IMPG1: variants seen among roughly 807,000 people sequenced by gnomAD.
The protein encoded by IMPG1 is interphotoreceptor matrix proteoglycan of 150 kDa.
In IMPG1, 85 loss-of-function variants were observed where a neutral mutation model predicts 92.0. That is an observed-to-expected ratio of 0.92 (90% CI 0.78 to 1.11). The LOEUF (loss-of-function observed/expected upper bound fraction) is 1.11, where lower values mean the gene tolerates loss of function less well. Ranked by LOEUF, IMPG1 falls within the 50% of genes least tolerant of loss-of-function variation. The pLI is 0.00. For missense variants in IMPG1, 1,022 were observed against 956.0 expected, an observed-to-expected ratio of 1.07 and a Z score of -0.91; for synonymous variants, 367 against 334.1, an observed-to-expected ratio of 1.10 and a Z score of -1.08.
chr6:75,945,540 AG>A (rs1781912671), intron 14 of IMPG1, among the ~76,000 whole-genome samples: 1 of 151,948 alleles, frequency 6.6e-6, no homozygotes, highest in Non-Finnish European at 1.5e-5. Context: ...TAGTAGAGAC[AG>A]GGTTTTGCCA....
At position 75,947,509 on chromosome 6, in the gene IMPG1, G is replaced by A. The variant is rs376390542; in HGVS notation, c.1849C>T (p.Leu617Phe). Residue 617 changes from leucine (L) to phenylalanine (F), a missense_variant, in exon 14 of 17, where the codon CTT (leucine) becomes TTT (phenylalanine). By Grantham distance (22) the Leu-to-Phe change is conservative. This residue lies in a region of IMPG1 where 332 missense variants were observed against 346.2 expected (regional missense o/e 0.96). Coordinates refer to ENST00000369950, the MANE Select transcript of IMPG1 (RefSeq NM_001563.4). ...QLLVPYLRSN[L>F]TGFKQLEILN... ...ATTTCAAGTTGCTTAAATCCTGTAAGATTGGATCGTAGATATGGAACCAGC... is the reference window on the plus strand; with the variant it reads ...ATTTCAAGTTGCTTAAATCCTGTAAAATTGGATCGTAGATATGGAACCAGC... 4.7e-5 allele frequency: 76 copies of A among 1,613,502 alleles called. No individual in the cohort carries two copies. The highest frequency in any genetic ancestry group is 6.4e-5 in the Non-Finnish European group (76 of 1,179,606).
At chr6:76,068,890 A>G (rs549693497) in intron 1 of IMPG1, among the ~76,000 whole-genome samples, 2 of 152,218 alleles carry the variant, frequency 1.3e-5, no homozygotes, top group South Asian at 4.1e-4. Flanking sequence ...TTTTCACAGA[A>G]TTAGAAAAAA....
chr6:76,022,879 A>C (rs994021804), intron 5 of IMPG1, among the ~76,000 whole-genome samples: 4 of 152,226 alleles, frequency 2.6e-5, no homozygotes, highest in African/African-American at 9.6e-5. Context: ...GTTATAGTTA[A>C]TTGGTTTATA....
rs1016563232 is a variant in IMPG1 at position 75,922,103 on chromosome 6, A to G, written c.2380T>C (p.Trp794Arg). 8.2e-6 allele frequency: 11 copies of G among 1,344,018 alleles called. No homozygotes were observed. The highest frequency in any genetic ancestry group is 1.2e-5 in the Non-Finnish European group (11 of 946,592). The allele number at this position is 1,344,018 out of a possible 1,614,324, so 83.3% of individuals were successfully genotyped here. A position where few individuals can be genotyped will look rare whatever the true frequency, so the allele number is the denominator to read the frequency against. The change falls in exon 17 of 17, where the codon TGG becomes CGG. Residue 794 changes from tryptophan to arginine, a missense_variant. This residue lies in a region of IMPG1 where 332 missense variants were observed against 346.2 expected (regional missense o/e 0.96). Coordinates refer to ENST00000369950, the MANE Select transcript of IMPG1 (RefSeq NM_001563.4). ...VEYEEFNHQDWEGN is the reference protein window; with the variant it reads ...VEYEEFNHQDREGN ...ATTTTCAGTTTTTAATTTCCTTCCC[A>G]ATCTTGATGGTTAAATTCTTCATAT...
rs140827081 is a variant in IMPG1 at position 76,021,778 on chromosome 6, CAT to C, written c.666+336_666+337del. ...TTCATTCATTCTAACACTTGGAGAG[CAT>C]ATATATATATATATATATATATGGT... On this transcript the variant is annotated intron_variant, in intron 6 of 16. Coordinates refer to ENST00000369950, the MANE Select transcript of IMPG1 (RefSeq NM_001563.4). Among the ~76,000 whole-genome samples the C allele has an allele frequency of 5.0e-3, 247 of 49,490 alleles. 10 individuals carry two copies. The highest frequency in any genetic ancestry group is 0.015 in the Admixed American group (53 of 3,610). The allele number at this position is 49,490 out of a possible 152,430, so 32.5% of individuals were successfully genotyped here. A position where few individuals can be genotyped will look rare whatever the true frequency, so the allele number is the denominator to read the frequency against.
intron 1 of IMPG1, among the ~76,000 whole-genome samples, chr6:76,052,983 G>A (rs1231635866): frequency 6.6e-6 from 1 of 152,064 alleles, no homozygotes; most frequent in Non-Finnish European, 1.5e-5. Flanking sequence ...CCTGCAGCTG[G>A]ACTTTTCCAT....
Position 75,922,233 on chromosome 6 carries a change from A to G in IMPG1, c.2317-67T>C, listed in dbSNP as rs370791880. The G allele has an allele frequency of 6.3e-5, 43 of 677,338 alleles. No individual in the cohort carries two copies. In the East Asian group the frequency reaches 1.2e-3, roughly 18 times the overall value. 42.0% of individuals were successfully genotyped at this position (677,338 alleles called of 1,614,324 possible). On this transcript the variant is annotated intron_variant, in intron 16 of 16. Coordinates refer to ENST00000369950, the MANE Select transcript of IMPG1 (RefSeq NM_001563.4). Reference sequence around the variant, plus strand: ...AAGGTCAAACCAATGGTTCATTCCAATATTACTGCCACTGGTAGATAAGAG... The same window carrying G: ...AAGGTCAAACCAATGGTTCATTCCAGTATTACTGCCACTGGTAGATAAGAG...
chr6:76,062,662 C>A (rs1053832049), intron 1 of IMPG1, among the ~76,000 whole-genome samples: 2 of 152,146 alleles, frequency 1.3e-5, no homozygotes, highest in African/African-American at 2.4e-5. Context: ...TTGAACCTTT[C>A]TTTTCTCTCC....
intron 12 of IMPG1, among the ~76,000 whole-genome samples, chr6:75,971,765 TG>T (rs1294346049): frequency 6.6e-6 from 1 of 152,176 alleles, no homozygotes; most frequent in Non-Finnish European, 1.5e-5. Flanking sequence ...AACCTCTTAG[TG>T]GTAGAATATT....
intron 1 of IMPG1, among the ~76,000 whole-genome samples, chr6:76,052,785 G>T (rs1784064738): frequency 6.6e-6 from 1 of 152,174 alleles, no homozygotes; most frequent in Non-Finnish European, 1.5e-5. Context: ...GTGATTAGTT[G>T]TAAAATGCAT....
intron 15 of IMPG1, among the ~76,000 whole-genome samples, chr6:75,929,460 A>T (rs1781625242): frequency 6.7e-6 from 1 of 149,706 alleles, no homozygotes; most frequent in Non-Finnish European, 1.5e-5. Flanking sequence ...AGGACAAAAA[A>T]CCAAACACTG....
At chr6:76,000,108 G>A (rs1195472371) in intron 12 of IMPG1, among the ~76,000 whole-genome samples, 1 of 152,180 alleles carries the variant, frequency 6.6e-6, no homozygotes, top group Admixed American at 6.5e-5. Context: ...CTGTAAGCAT[G>A]CAGATCTATA....
intron 6 of IMPG1, among the ~76,000 whole-genome samples, chr6:76,021,792 T>TATATATATATATATATATAC (rs1213660922): frequency 7.9e-5 from 11 of 138,808 alleles, no homozygotes; most frequent in Non-Finnish European, 1.4e-4. Flanking sequence ...TATATATATA[T>TATATATATATATATATATAC]ATATATATAT....
At chr6:76,042,608 A>G (rs75485013) in intron 1 of IMPG1, among the ~76,000 whole-genome samples, 7,735 of 152,244 alleles carry the variant, frequency 0.051, 276 homozygotes, top group Admixed American at 0.087. Flanking sequence ...TAGGAATTCT[A>G]TATGGGCAGG....
intron 15 of IMPG1, among the ~76,000 whole-genome samples, chr6:75,927,285 G>T (rs761237494): frequency 6.6e-6 from 1 of 152,076 alleles, no homozygotes; most frequent in East Asian, 1.9e-4. Flanking sequence ...AGGGCAGGGG[G>T]TGGGGAACTG....
intron 15 of IMPG1, among the ~76,000 whole-genome samples, chr6:75,928,346 T>G (rs1781597240): frequency 6.6e-6 from 1 of 152,058 alleles, no homozygotes; most frequent in African/African-American, 2.4e-5. Context: ...ATTACAGGCA[T>G]GCGCCATCAT....
chr6:75,963,782 T>G (rs1433088231), intron 12 of IMPG1, among the ~76,000 whole-genome samples: 1 of 152,204 alleles, frequency 6.6e-6, no homozygotes, highest in Non-Finnish European at 1.5e-5. Context: ...GTAGCAGTAC[T>G]CCAGGGAGCA....
At chr6:75,973,109 C>T (rs1436390365) in intron 12 of IMPG1, among the ~76,000 whole-genome samples, 6 of 152,132 alleles carry the variant, frequency 3.9e-5, no homozygotes, top group Non-Finnish European at 8.8e-5. Flanking sequence ...TCTAGAGTGG[C>T]TGGAATTACG....
rs141179549 is a variant in IMPG1, at chr6:75,921,978, A to G, written c.*111T>C. 2.9e-3 allele frequency: 1,880 copies of G among 647,316 alleles called. 13 individuals carry two copies. Among genetic ancestry groups the G allele is most frequent in the African/African-American group, 0.023 (1,252 of 54,746 alleles). The allele number at this position is 647,316 out of a possible 1,614,324, so 40.1% of individuals were successfully genotyped here. ...TGGTGTGTGCTGATTCTCAGTGTTG[A>G]CTGTATGTCTGGATTTTGATGACCC... is the stretch of plus-strand genomic sequence containing the variant. On this transcript the variant is annotated 3_prime_UTR_variant, in exon 17 of 17. Transcript: ENST00000369950.
Sources: allele counts gnomAD v4.1 joint callset (sites outside exome capture counted in the v4.1 genomes callset), GRCh38; gene constraint gnomAD v4.1.1; regional missense constraint gnomAD v4.1.1; transcripts MANE v1.5; gene names NCBI Gene and HGNC (gene_info 2026-07-23, HGNC 2026-07-21).